The following IQANK1 variants were observed in gnomAD, a reference collection of about 807,000 sequenced individuals.
IQANK1 encodes IQ motif and ankyrin repeat domain-containing protein 1.
IQANK1 carries 30 observed loss-of-function variants against 22.6 expected under a neutral mutation model. The observed-to-expected ratio is 1.33, with a 90% CI of 0.99 to 1.80. IQANK1 has a LOEUF of 1.80. Ranked by LOEUF, IQANK1 falls within the 40% of genes most tolerant of loss-of-function variation. The pLI is 0.00. For synonymous variants in IQANK1, 122 were observed against 99.6 expected, an observed-to-expected ratio of 1.23 and a Z score of -1.34; for missense variants, 275 against 235.2, an observed-to-expected ratio of 1.17 and a Z score of -1.11.
In IQANK1 at chr8:143,764,341, G is replaced by A. The variant is rs1313404479; in HGVS notation, c.176-7147G>A. ...GAAATAACAAACGTGCAGACCAGGC[G>A]CAGTGGCTCCTGCCTTAAACCCCAG... On this transcript the variant is annotated intron_variant, in intron 3 of 13. Transcript: ENST00000527139. Among the ~76,000 whole-genome samples, 6 of 151,852 alleles carry A rather than the reference G, an allele frequency of 4.0e-5. No homozygotes were observed. The South Asian group carries it at 8.3e-4, about 21-fold the overall frequency.
chr8:143,788,424 G>C (rs1046186695), intron 7 of IQANK1, among the ~76,000 whole-genome samples: 4 of 152,240 alleles, frequency 2.6e-5, no homozygotes, highest in Non-Finnish European at 5.9e-5. Context: ...TGGAGTGCTG[G>C]GGACTCAGGA....
At chr8:143,768,917 CCT>C (rs1189570206) in intron 3 of IQANK1, among the ~76,000 whole-genome samples, 5 of 151,952 alleles carry the variant, frequency 3.3e-5, no homozygotes, top group Admixed American at 2.0e-4. Flanking sequence ...GAGCTGGGCC[CCT>C]GTTACCATCA....
chr8:143,773,975 C>T (rs1362840380), intron 7 of IQANK1, among the ~76,000 whole-genome samples: 4 of 152,086 alleles, frequency 2.6e-5, no homozygotes, highest in Admixed American at 6.6e-5. Flanking sequence ...TGTGTTCACT[C>T]CATGGTGCTG....
chr8:143,736,947 C>G (rs933114961), intron 2 of IQANK1, among the ~76,000 whole-genome samples: 4 of 152,150 alleles, frequency 2.6e-5, no homozygotes, highest in African/African-American at 9.7e-5. Context: ...AGCACCCCAT[C>G]CTGCTCCCCA....
intron 3 of IQANK1, among the ~76,000 whole-genome samples, chr8:143,749,986 T>A (rs1819156737): frequency 6.6e-6 from 1 of 151,746 alleles, no homozygotes; most frequent in East Asian, 1.9e-4. Flanking sequence ...AACTTTTTTT[T>A]AAATTTTATT....
At chr8:143,788,103 C>T (rs1360121276) in intron 7 of IQANK1, among the ~76,000 whole-genome samples, 1 of 152,226 alleles carries the variant, frequency 6.6e-6, no homozygotes, top group Non-Finnish European at 1.5e-5. Context: ...TGTCATCCAG[C>T]TATTAGGGAG....
chr8:143,739,452 G>A (rs1477683543), intron 2 of IQANK1: 1 of 170,560 alleles, frequency 5.9e-6, no homozygotes, highest in Non-Finnish European at 1.2e-5. Flanking sequence ...GGGGAGTGCC[G>A]AATTGGACAC....
intron 3 of IQANK1, among the ~76,000 whole-genome samples, chr8:143,748,675 AATATATATC>A (rs1191678958): frequency 1.1e-4 from 11 of 97,784 alleles, no homozygotes; most frequent in Non-Finnish European, 1.6e-4. Context: ...TAAATATATA[AATATATATC>A]ATATATATCA....
Position 143,780,337 on chromosome 8 carries a change from ACTTTT to A in IQANK1, c.789+7861_789+7865del, listed in dbSNP as rs542421951. Among the ~76,000 whole-genome samples the A allele has an allele frequency of 3.0e-4, 46 of 152,194 alleles. No homozygotes were observed. In the South Asian group the frequency reaches 9.4e-3, roughly 31 times the overall value. On this transcript the variant is annotated intron_variant, in intron 7 of 13. Transcript: ENST00000527139. ...AGAGATGTTAAGTCATCTTTTTTTAACTTTTCTTTTAGGTTTGGGGGTACATGTGA... is the reference window on the plus strand; with the variant it reads ...AGAGATGTTAAGTCATCTTTTTTTAACTTTTAGGTTTGGGGGTACATGTGA...
intron 3 of IQANK1, chr8:143,742,619 G>A (rs782361514): frequency 4.4e-6 from 2 of 456,082 alleles, no homozygotes; most frequent in South Asian, 1.5e-5. Flanking sequence ...AGCATTCCAG[G>A]AGCTGCTTTC....
chr8:143,759,092 A>G lies in IQANK1; in HGVS notation c.176-12396A>G, dbSNP rs1819344542. On this transcript the variant is annotated intron_variant, in intron 3 of 13. Transcript: ENST00000527139. ...TGCATTTGGCCGGACATGACTCAATACTGATCTTCGACTGCCATGAAGAGG... is the reference window on the plus strand; with the variant it reads ...TGCATTTGGCCGGACATGACTCAATGCTGATCTTCGACTGCCATGAAGAGG... The G allele has an allele frequency of 5.9e-5, 19 of 322,364 alleles. 1 individual carries two copies. The highest frequency in any genetic ancestry group is 5.7e-4 in the South Asian group (18 of 31,388). The allele number at this position is 322,364 out of a possible 1,614,324, so 20.0% of individuals were successfully genotyped here.
intron 3 of IQANK1, among the ~76,000 whole-genome samples, chr8:143,741,539 C>CAT (rs1331421825): frequency 6.6e-6 from 1 of 152,174 alleles, no homozygotes; most frequent in Non-Finnish European, 1.5e-5. Flanking sequence ...GGGGATTCTA[C>CAT]ACATGTGCCT....
At chr8:143,775,374 A>G (rs940400757) in intron 7 of IQANK1, among the ~76,000 whole-genome samples, 13 of 151,652 alleles carry the variant, frequency 8.6e-5, no homozygotes, top group Admixed American at 3.3e-4. Context: ...ACACACACAC[A>G]CGAAAAATGA....
chr8:143,750,968 T>TGTGTGTGTGTG (rs560433368), intron 3 of IQANK1, among the ~76,000 whole-genome samples: 120 of 113,072 alleles, frequency 1.1e-3, no homozygotes, highest in African/African-American at 3.1e-3. Flanking sequence ...GTGTGTGTGT[T>TGTGTGTGTGTG]TTTTTGTAGT....
chr8:143,785,513 C>T (rs1819869325), intron 7 of IQANK1, among the ~76,000 whole-genome samples: 1 of 151,762 alleles, frequency 6.6e-6, no homozygotes, highest in African/African-American at 2.4e-5. Flanking sequence ...ATCTCAGCTT[C>T]CCAAAGTGCT....
intron 7 of IQANK1, among the ~76,000 whole-genome samples, chr8:143,779,065 C>T (rs1289920725): frequency 6.6e-6 from 1 of 152,026 alleles, no homozygotes; most frequent in African/African-American, 2.4e-5. Context: ...CCATGCCCAG[C>T]CATGAGTCAT....
chr8:143,770,697 C>T (rs1163058170), intron 3 of IQANK1, among the ~76,000 whole-genome samples: 1 of 152,276 alleles, frequency 6.6e-6, no homozygotes, highest in Non-Finnish European at 1.5e-5. Context: ...CGTGGCCCGA[C>T]AGCCTCGCCT....
intron 3 of IQANK1, among the ~76,000 whole-genome samples, chr8:143,749,193 CAT>C (rs1376495830): frequency 6.7e-5 from 8 of 120,156 alleles, no homozygotes; most frequent in South Asian, 2.4e-4. Context: ...AAATATATAT[CAT>C]ATATAAATAT....
Position 143,758,765 on chromosome 8 carries a change from G to A in IQANK1, c.176-12723G>A, listed in dbSNP as rs533333909. 2.0e-5 allele frequency: 3 copies of A among 152,918 alleles called. No homozygotes were observed. In the East Asian group the frequency reaches 5.8e-4, roughly 29 times the overall value. The allele number at this position is 152,918 out of a possible 1,614,324, so 9.5% of individuals were successfully genotyped here. On this transcript the variant is annotated intron_variant, in intron 3 of 13. Coordinates refer to ENST00000527139, the MANE Select transcript of IQANK1 (RefSeq NM_001381874.1). This position sits in a 1 kb window ranked among gnomAD's most constrained non-coding sequence, Gnocchi z 4.2. ...AGTCCTCCAAGAACCAGCACTGCCG[G>A]AGCCTCGCTGTGGTTTCTTCCTTCC...
Sources: allele counts gnomAD v4.1 joint callset (sites outside exome capture counted in the v4.1 genomes callset), GRCh38; gene constraint gnomAD v4.1.1; non-coding constraint Gnocchi (gnomAD v3.1); transcripts MANE v1.5; gene names NCBI Gene and HGNC (gene_info 2026-07-23, HGNC 2026-07-21).